Variants in PCCB observed in about 807,000 individuals in gnomAD.
PCCB encodes propionyl-CoA carboxylase subunit beta, also known as propionyl-CoA carboxylase beta chain, mitochondrial.
A neutral mutation model predicts 60.7 loss-of-function variants in PCCB; 43 were observed. The ratio of observed to expected loss-of-function variants is 0.71; its 90% confidence interval spans 0.55 to 0.91. PCCB has a LOEUF of 0.91. PCCB is among the 40% of genes least tolerant of loss of function. PCCB has a pLI of 0.00. For synonymous variants in PCCB, 276 were observed against 255.9 expected (o/e 1.08, Z -0.75); for missense variants, 766 against 702.8 (o/e 1.09, Z -1.02).
chr3:136,321,960 G>A (rs1265506708), intron 10 of PCCB, among the ~76,000 whole-genome samples: 1 of 152,134 alleles, frequency 6.6e-6, no homozygotes, highest in Non-Finnish European at 1.5e-5. Context: ...CCTTCTCAAT[G>A]TGTATACGTT....
Position 136,254,946 on chromosome 3 carries a change from G to A in PCCB, c.184-910G>A, listed in dbSNP as rs529604850. Among the ~76,000 whole-genome samples the A allele has an allele frequency of 6.1e-5, 9 of 148,286 alleles. No individual in the cohort carries two copies. In the South Asian group the frequency reaches 1.5e-3, roughly 25 times the overall value. On this transcript the variant is annotated intron_variant, in intron 1 of 14. Coordinates refer to ENST00000251654, the MANE Select transcript of PCCB (RefSeq NM_000532.5). ...CTGGAGTGCAATGGTGCACAATCTC[G>A]GCTCACTGCAAGCTCTGCCTCCTGG... is the stretch of plus-strand genomic sequence containing the variant.
chr3:136,274,090 A>G (rs1267682358), intron 5 of PCCB, among the ~76,000 whole-genome samples: 3 of 151,926 alleles, frequency 2.0e-5, no homozygotes, highest in African/African-American at 4.8e-5. Context: ...CCATTCTGCC[A>G]TTCTGTATCT....
At chr3:136,267,213 G>T (rs1414159254) in intron 5 of PCCB, among the ~76,000 whole-genome samples, 2 of 152,224 alleles carry the variant, frequency 1.3e-5, no homozygotes, top group South Asian at 2.1e-4. Context: ...TAGAGACAGG[G>T]TCTTGCTCTG....
At chr3:136,277,537 G>T (rs780474105) in intron 5 of PCCB, among the ~76,000 whole-genome samples, 1 of 152,050 alleles carries the variant, frequency 6.6e-6, no homozygotes, top group Non-Finnish European at 1.5e-5. Flanking sequence ...ACAGCCAGGT[G>T]GGGGCTGGGT....
At chr3:136,314,875 T>C (rs1470481337) in intron 9 of PCCB, among the ~76,000 whole-genome samples, 1 of 152,178 alleles carries the variant, frequency 6.6e-6, no homozygotes, top group African/African-American at 2.4e-5. Flanking sequence ...ATTGGAGAAA[T>C]AGTAACTTTA....
At position 136,284,590 on chromosome 3, in the gene PCCB, G is replaced by A. The variant is rs574071587; in HGVS notation, c.654+643G>A. Among the ~76,000 whole-genome samples the A allele has an allele frequency of 2.0e-5, 3 of 152,234 alleles. No individual in the cohort carries two copies. The East Asian group carries it at 5.8e-4, about 29-fold the overall frequency. On this transcript the variant is annotated intron_variant, in intron 6 of 14. Transcript: ENST00000251654. ...GATGCCAAGACAGAATGGTTGGGGG[G>A]AAAAAGTAGTGATAGCCATCCAACT...
chr3:136,330,120 A>AAC lies in PCCB; in HGVS notation c.*95_*96insCA. On this transcript the variant is annotated 3_prime_UTR_variant, in exon 15 of 15. Transcript: ENST00000251654. Reference sequence around the variant, plus strand: ...TGCAATCATGAAACCTGGGAATCCAAATAGTTGGATAACTTAGAATAACTA... The same window carrying AAC: ...TGCAATCATGAAACCTGGGAATCCAAACATAGTTGGATAACTTAGAATAACTA... 6.2e-7 allele frequency: 1 copy of AAC among 1,601,640 alleles called. No homozygotes were observed. Among genetic ancestry groups the AAC allele is most frequent in the Non-Finnish European group, 8.5e-7 (1 of 1,172,116 alleles).
intron 9 of PCCB, among the ~76,000 whole-genome samples, chr3:136,308,251 T>TG (rs1934519668): frequency 6.6e-6 from 1 of 150,394 alleles, no homozygotes; most frequent in East Asian, 2.0e-4. Context: ...TTTTTTTTTT[T>TG]GATATGGAGT....
intron 5 of PCCB, among the ~76,000 whole-genome samples, chr3:136,268,087 G>A (rs145085073): frequency 1.1e-5 from 1 of 93,800 alleles, no homozygotes; most frequent in Non-Finnish European, 2.1e-5. Context: ...TGTGTGTGTA[G>A]ATATATATAT....
Position 136,301,095 on chromosome 3 carries a change from T to C in PCCB, c.950T>C (p.Val317Ala), listed in dbSNP as rs762758029. 7 of 1,613,512 alleles carry C rather than the reference T, an allele frequency of 4.3e-6. No individual in the cohort carries two copies. The highest frequency in any genetic ancestry group is 5.9e-6 in the Non-Finnish European group (7 of 1,179,382). The stretch of plus-strand genomic sequence containing the variant: ...GAATCAACCAAAGCCTACAACATGG[T>C]GGACATCATACACTCTGTAAGTGCC... ...PLESTKAYNM[V>A]DIIHSVVDER... The change falls in exon 9 of 15, where the codon GTG becomes GCG. Residue 317 changes from valine to alanine, a missense_variant. Physicochemically the swap from Val to Ala is moderately conservative, Grantham distance 64. Transcript: ENST00000251654.
At position 136,302,381 on chromosome 3, in the gene PCCB, T is replaced by A. The variant is rs765403836; in HGVS notation, c.966+1270T>A. 1.7e-5 allele frequency among the ~76,000 whole-genome samples: 2 copies of A among 121,072 alleles called. 1 individual carries two copies. The highest frequency in any genetic ancestry group is 2.0e-4 in the Admixed American group (2 of 10,044). The allele number at this position is 121,072 out of a possible 152,430, so 79.4% of individuals were successfully genotyped here. A position where few individuals can be genotyped will look rare whatever the true frequency, so the allele number is the denominator to read the frequency against. On this transcript the variant is annotated intron_variant, in intron 9 of 14. Coordinates refer to ENST00000251654, the MANE Select transcript of PCCB (RefSeq NM_000532.5). ...CAGATTCTGCCAGGCAATTGTTGCC[T>A]GGGTGGGGAGACAGATTCCTGGTGC... is the stretch of plus-strand genomic sequence containing the variant.
chr3:136,299,070 T>G (rs939970817), intron 8 of PCCB, among the ~76,000 whole-genome samples: 1 of 152,096 alleles, frequency 6.6e-6, no homozygotes, highest in African/African-American at 2.4e-5. Flanking sequence ...GTATACAGTT[T>G]GGAGTTCCTG....
chr3:136,304,575 C>T lies in PCCB; in HGVS notation c.966+3464C>T, dbSNP rs537833019. Among the ~76,000 whole-genome samples, 221 of 119,056 alleles carry T rather than the reference C, an allele frequency of 1.9e-3. 58 individuals are homozygous for T. The Middle Eastern group carries it at 0.021, about 11-fold the overall frequency. The allele number at this position is 119,056 out of a possible 152,430, so 78.1% of individuals were successfully genotyped here. A position where few individuals can be genotyped will look rare whatever the true frequency, so the allele number is the denominator to read the frequency against. Reference sequence around the variant, plus strand: ...TTTGTTTTTGTATTTTTAGTAGAGACGGGGTTTCACCGTGTTAGCCAGGAT... The same window carrying T: ...TTTGTTTTTGTATTTTTAGTAGAGATGGGGTTTCACCGTGTTAGCCAGGAT... On this transcript the variant is annotated intron_variant, in intron 9 of 14. Coordinates refer to ENST00000251654, the MANE Select transcript of PCCB (RefSeq NM_000532.5).
chr3:136,277,097 C>G (rs765573572), intron 5 of PCCB, among the ~76,000 whole-genome samples: 1 of 152,170 alleles, frequency 6.6e-6, no homozygotes. Flanking sequence ...TATACCAACA[C>G]TAGTGCTGAT....
At chr3:136,273,597 C>CTTTTTTTTTTTTTTTTTTTTTTTTT in intron 5 of PCCB, among the ~76,000 whole-genome samples, 7 of 45,220 alleles carry the variant, frequency 1.5e-4, no homozygotes, top group East Asian at 5.9e-4. Flanking sequence ...TTTCTTTTTT[C>CTTTTTTTTTTTTTTTTTTTTTTTTT]TTTTTTTTTT....
chr3:136,253,381 A>G (rs1224298101), intron 1 of PCCB, among the ~76,000 whole-genome samples: 1 of 149,988 alleles, frequency 6.7e-6, no homozygotes, highest in Non-Finnish European at 1.5e-5. Context: ...GAGCCACTGC[A>G]CATGGCCTCT....
At chr3:136,315,625 G>C (rs1454685518) in intron 9 of PCCB, among the ~76,000 whole-genome samples, 1 of 151,728 alleles carries the variant, frequency 6.6e-6, no homozygotes, top group Non-Finnish European at 1.5e-5. Flanking sequence ...GAGGCCAAGA[G>C]TTTGAGACCA....
chr3:136,259,358 G>A (rs746732624), intron 3 of PCCB: 6 of 377,878 alleles, frequency 1.6e-5, no homozygotes, highest in African/African-American at 1.0e-4. Flanking sequence ...CCAGCTACTC[G>A]GGAGGCTGAG....
chr3:136,261,888 T>C, intron 4 of PCCB, 64 bp from the exon 5 acceptor site: 1 of 1,126,708 alleles, frequency 8.9e-7, no homozygotes, highest in Non-Finnish European at 1.3e-6. Context: ...CTGTGGTATT[T>C]TGTGAATGTC....
Sources: gnomAD v4.1 joint callset for allele counts (sites outside exome capture counted in the v4.1 genomes callset) on GRCh38, gnomAD v4.1.1 for gene constraint, MANE v1.5 for transcripts, NCBI Gene and HGNC (gene_info 2026-07-23, HGNC 2026-07-21) for gene names.